Variants in ABCA9 observed in about 807,000 individuals in gnomAD.
ABCA9 encodes the protein ATP-binding cassette sub-family A member 9.
In ABCA9, 183 loss-of-function variants were observed where a neutral mutation model predicts 205.3. The observed-to-expected ratio is 0.89, with a 90% CI of 0.79 to 1.01. ABCA9 has a LOEUF of 1.01. Among genes scored for constraint, ABCA9 ranks in the 50% least tolerant of loss-of-function variants. The pLI is 0.00. For missense variants in ABCA9, 1,805 were observed against 1,912.4 expected (o/e 0.94, Z 1.05); for synonymous variants, 651 against 683.3 (o/e 0.95, Z 0.74).
At chr17:68,996,490 G>C (rs1398534010) in intron 25 of ABCA9, among the ~76,000 whole-genome samples, 2 of 152,110 alleles carry the variant, frequency 1.3e-5, no homozygotes, top group Admixed American at 1.3e-4. Flanking sequence ...GTCTACATAG[G>C]TCTTTATGTA....
intron 25 of ABCA9, chr17:69,004,821 GTTT>G (rs1472625544): frequency 2.5e-5 from 4 of 158,832 alleles, no homozygotes; most frequent in African/African-American, 9.6e-5. Flanking sequence ...GTGGTGCGCC[GTTT>G]TTTAAGCCCG....
rs9899818 is a variant in ABCA9, at chr17:69,027,154, G to A, written c.1912-40C>T. The A allele has an allele frequency of 0.01, 16,604 of 1,603,014 alleles. 1,339 individuals are homozygous for A. In the African/African-American group the frequency reaches 0.19, roughly 18 times the overall value. ...AGTCCTAAAGTAATTCCACCCTTTCGGATAAGATCCTTTTAAAAAGCACTG... is the reference window on the plus strand; with the variant it reads ...AGTCCTAAAGTAATTCCACCCTTTCAGATAAGATCCTTTTAAAAAGCACTG... On this transcript the variant is annotated intron_variant, in intron 14 of 38. Transcript: ENST00000340001.
Position 69,012,025 on chromosome 17 carries a change from G to A in ABCA9, c.3098C>T (p.Ala1033Val). 6.2e-7 allele frequency: 1 copy of A among 1,613,148 alleles called. No homozygotes were observed. The highest frequency in any genetic ancestry group is 8.5e-7 in the Non-Finnish European group (1 of 1,179,524). ...TGCAATGTATGGAGTGAAAGAGGCT[G>A]CCATCGGTATCCAGAAGAAGGTGTT... ...RSNTFFWIPM[A>V]ASFTPYIAMS... The change falls in exon 23 of 39, where the codon GCA becomes GTA. Residue 1033 changes from alanine (A) to valine (V), a missense_variant. Physicochemically the swap from Ala to Val is moderately conservative, Grantham distance 64. Transcript: ENST00000340001.
chr17:69,035,909 G>A (rs1019654532), intron 6 of ABCA9, 108 bp from the exon 7 acceptor site: 6 of 1,372,538 alleles, frequency 4.4e-6, no homozygotes, highest in Non-Finnish European at 5.8e-6. Context: ...AAGGGTAAAG[G>A]AAAAGAAAAT....
the ABCA9 span, among the ~76,000 whole-genome samples, chr17:69,073,806 C>T: frequency 6.6e-6 from 1 of 152,158 alleles, no homozygotes; most frequent in Non-Finnish European, 1.5e-5. Context: ...AAACTGTCCT[C>T]CCACCTCAGC....
chr17:69,020,562 T>C lies in ABCA9; in HGVS notation c.2426A>G (p.Gln809Arg). 1 of 1,613,860 alleles carries C rather than the reference T, an allele frequency of 6.2e-7. No individual in the cohort carries two copies. Reference protein sequence around the residue: ...ESDIGIWGQLQTDGAKDIGSL... With the variant: ...ESDIGIWGQLRTDGAKDIGSL... Reference sequence around the variant, plus strand: ...TCCTATATCTTTTGCCCCATCAGTTTGTAATTGTCCCCAAATTCCAATATC... The same window carrying C: ...TCCTATATCTTTTGCCCCATCAGTTCGTAATTGTCCCCAAATTCCAATATC... The change falls in exon 19 of 39, where the codon CAA (glutamine) becomes CGA (arginine). Residue 809 changes from glutamine to arginine, a missense_variant. Gln to Arg is a conservative substitution (Grantham distance 43). Transcript: ENST00000340001.
intron 19 of ABCA9, 25 bp from the exon 20 acceptor site, chr17:69,018,604 A>C (rs2070716721): frequency 6.5e-7 from 1 of 1,527,756 alleles, no homozygotes; most frequent in South Asian, 1.3e-5. Flanking sequence ...ATGTAAAAGA[A>C]AAAAATAATT....
chr17:68,981,115 G>A (rs1032598261), intron 37 of ABCA9, among the ~76,000 whole-genome samples: 1 of 151,928 alleles, frequency 6.6e-6, no homozygotes, highest in Non-Finnish European at 1.5e-5. Flanking sequence ...GGTGGGTGGA[G>A]GGAAGGGAAG....
chr17:68,996,476 G>T (rs771577806), intron 25 of ABCA9, among the ~76,000 whole-genome samples: 2 of 152,192 alleles, frequency 1.3e-5, no homozygotes, highest in Admixed American at 6.5e-5. Flanking sequence ...TCCTATGAAT[G>T]ATGGTCTACA....
intron 12 of ABCA9, 67 bp downstream of exon 12, chr17:69,028,468 G>A: frequency 1.7e-6 from 2 of 1,156,312 alleles, no homozygotes; most frequent in Non-Finnish European, 2.5e-6. Context: ...CCCAGCCCCA[G>A]TTAAATAATT....
chr17:68,993,336 G>A (rs1031974167), intron 26 of ABCA9, among the ~76,000 whole-genome samples: 9 of 152,160 alleles, frequency 5.9e-5, no homozygotes, highest in African/African-American at 2.2e-4. Flanking sequence ...GGAGAATCCT[G>A]GGCTGGTGCT....
chr17:68,998,333 C>G (rs2144088859), intron 25 of ABCA9, among the ~76,000 whole-genome samples: 1 of 152,224 alleles, frequency 6.6e-6, no homozygotes, highest in East Asian at 1.9e-4. Flanking sequence ...TATGTCTGAC[C>G]TTTCCTAGAA....
In ABCA9 at chr17:69,017,759, A is replaced by G. The variant is rs961978731; in HGVS notation, c.2798T>C (p.Leu933Pro). 3 of 1,613,258 alleles carry G rather than the reference A, an allele frequency of 1.9e-6. No homozygotes were observed. The highest frequency in any genetic ancestry group is 2.5e-6 in the Non-Finnish European group (3 of 1,179,438). Residue 933 changes from leucine (L) to proline (P), a missense_variant, in exon 21 of 39, where the codon CTG becomes CCG. Leu to Pro is a moderately conservative substitution (Grantham distance 98, BLOSUM62 -3). Transcript: ENST00000340001. ...TTCTATAGCTATGTTCTGTCGCCTC[A>G]GTGAATGTAAAAAGTTATCAATGGT... is the stretch of plus-strand genomic sequence containing the variant. The part of the protein sequence containing the change: ...GSTIDNFLHS[L>P]RRQNIAIEVD...
chr17:69,001,968 C>T (rs1721810355), intron 25 of ABCA9, among the ~76,000 whole-genome samples: 1 of 151,196 alleles, frequency 6.6e-6, no homozygotes, highest in African/African-American at 2.4e-5. Flanking sequence ...GTGATATCCC[C>T]TTTATCATTT....
chr17:69,035,237 A>T lies in ABCA9; in HGVS notation c.1128+9T>A. 2 of 1,546,008 alleles carry T rather than the reference A, an allele frequency of 1.3e-6. No homozygotes were observed. Among genetic ancestry groups the T allele is most frequent in the Non-Finnish European group, 1.7e-6 (2 of 1,150,428 alleles). On this transcript the variant is annotated intron_variant, in intron 8 of 38. Coordinates refer to ENST00000340001, the MANE Select transcript of ABCA9 (RefSeq NM_080283.4). Reference sequence around the variant, plus strand: ...TTGTAAAAAGTGAAAGTGTTACCTTAACTCTTACCTGGGCCATCCCAACAG... The same window carrying T: ...TTGTAAAAAGTGAAAGTGTTACCTTTACTCTTACCTGGGCCATCCCAACAG...
At chr17:69,070,399 A>G in the ABCA9 span, among the ~76,000 whole-genome samples, 1 of 152,174 alleles carries the variant, frequency 6.6e-6, no homozygotes, top group African/African-American at 2.4e-5. Context: ...TACCCAGTTC[A>G]TCTCACTGGG....
At chr17:68,978,141 C>T (rs1373696927) in intron 37 of ABCA9, among the ~76,000 whole-genome samples, 1 of 152,196 alleles carries the variant, frequency 6.6e-6, no homozygotes, top group East Asian at 1.9e-4. Context: ...CTTTATGAAT[C>T]TGGGTGCTCC....
At chr17:68,980,646 A>G (rs1049985982) in intron 37 of ABCA9, among the ~76,000 whole-genome samples, 1 of 151,674 alleles carries the variant, frequency 6.6e-6, no homozygotes, top group Non-Finnish European at 1.5e-5. Flanking sequence ...GACATGGATG[A>G]AGCTGGAAAC....
At chr17:69,026,611 T>C in intron 15 of ABCA9, 144 bp from the exon 16 acceptor site, 1 of 718,686 alleles carries the variant, frequency 1.4e-6, no homozygotes, top group Non-Finnish European at 2.3e-6. Context: ...GTAAACCACT[T>C]TTTTTTGTCA....
Sources: allele counts gnomAD v4.1 joint callset (sites outside exome capture counted in the v4.1 genomes callset), GRCh38; gene constraint gnomAD v4.1.1; transcripts MANE v1.5; gene names NCBI Gene and HGNC (gene_info 2026-07-23, HGNC 2026-07-21).